Variants in TDRP observed in about 807,000 individuals in gnomAD.
TDRP encodes the protein testis development-related protein.
TDRP carries 12 observed loss-of-function variants against 10.5 expected under a neutral mutation model. The ratio of observed to expected loss-of-function variants is 1.15; its 90% CI spans 0.73 to 1.86. The LOEUF is 1.86. Among genes scored for constraint, TDRP ranks in the 40% most tolerant of loss-of-function variants. The pLI is 0.00. For missense variants in TDRP, 353 were observed against 229.2 expected (o/e 1.54, Z -3.49); for synonymous variants, 139 against 95.4 (o/e 1.46, Z -2.67).
intron 1 of TDRP, among the ~76,000 whole-genome samples, chr8:501,061 C>T (rs1310790686): frequency 1.1e-4 from 16 of 151,926 alleles, no homozygotes; most frequent in African/African-American, 9.7e-5. Flanking sequence ...AAAAATTAGC[C>T]GGGCGTGATG....
At chr8:543,198 G>A (rs574829193) in intron 1 of TDRP, among the ~76,000 whole-genome samples, 1 of 152,214 alleles carries the variant, frequency 6.6e-6, no homozygotes, top group Admixed American at 6.5e-5. Context: ...TGTAGTCCCA[G>A]CTACTACAGA....
At chr8:501,351 T>A (rs1017760183) in intron 1 of TDRP, among the ~76,000 whole-genome samples, 1 of 152,096 alleles carries the variant, frequency 6.6e-6, no homozygotes, top group African/African-American at 2.4e-5. Flanking sequence ...ATACTTCTTT[T>A]GTTTTGTCTT....
At chr8:532,359 G>T (rs775235382) in intron 1 of TDRP, among the ~76,000 whole-genome samples, 1 of 152,168 alleles carries the variant, frequency 6.6e-6, no homozygotes, top group Non-Finnish European at 1.5e-5. Flanking sequence ...GTCTCAGAAG[G>T]GCACATATTA....
intron 1 of TDRP, among the ~76,000 whole-genome samples, chr8:508,723 A>G (rs1484739264): frequency 1.3e-5 from 2 of 152,072 alleles, no homozygotes; most frequent in Non-Finnish European, 2.9e-5. Flanking sequence ...CCCAAATCTC[A>G]TTTTTTTCAC....
intron 2 of TDRP, among the ~76,000 whole-genome samples, chr8:493,513 TCAAA>T (rs1801039437): frequency 6.6e-6 from 1 of 152,250 alleles, no homozygotes; most frequent in Admixed American, 6.5e-5. Flanking sequence ...CCCACAGTCC[TCAAA>T]CAAAAGCCAA....
At position 536,953 on chromosome 8, in the gene TDRP, G is replaced by A. The variant is rs573152843; in HGVS notation, c.108+7697C>T. On this transcript the variant is annotated intron_variant, in intron 1 of 2. Coordinates refer to ENST00000324079, the MANE Select transcript of TDRP (RefSeq NM_001384899.1). ...TTCTGCTGACTGAGTATCTGACTCA[G>A]CTCATATGAGAGTCCAATGAGACTA... Among the ~76,000 whole-genome samples the A allele has an allele frequency of 2.6e-5, 4 of 152,258 alleles. No individual in the cohort carries two copies. In the South Asian group the frequency reaches 8.3e-4, roughly 32 times the overall value.
At chr8:521,253 A>C (rs1267959169) in intron 1 of TDRP, among the ~76,000 whole-genome samples, 66 of 146,012 alleles carry the variant, frequency 4.5e-4, no homozygotes, top group Middle Eastern at 3.4e-3. Context: ...ATCCAAAAAA[A>C]AAAAAAAAAA....
At chr8:510,072 G>A (rs550855472) in intron 1 of TDRP, among the ~76,000 whole-genome samples, 31 of 152,230 alleles carry the variant, frequency 2.0e-4, no homozygotes, top group Non-Finnish European at 3.2e-4. Context: ...CACTCCCCAG[G>A]GAATCAGGGT....
chr8:539,878 T>C (rs1316303750), intron 1 of TDRP, among the ~76,000 whole-genome samples: 1 of 152,214 alleles, frequency 6.6e-6, no homozygotes. Flanking sequence ...TCTCCCCATC[T>C]CCAAGCATGA....
chr8:544,238 G>A (rs543388073), intron 1 of TDRP, among the ~76,000 whole-genome samples: 3 of 152,208 alleles, frequency 2.0e-5, no homozygotes, highest in Non-Finnish European at 2.9e-5. Flanking sequence ...GCTCCACCCG[G>A]GACGCGAGCA....
chr8:530,329 A>T (rs561588939), intron 1 of TDRP, among the ~76,000 whole-genome samples: 1 of 152,148 alleles, frequency 6.6e-6, no homozygotes, highest in Non-Finnish European at 1.5e-5. Context: ...TTTGTCAGAT[A>T]ATTCATTTAT....
rs1563136133 is a variant in TDRP, at chr8:544,712, C to CG, written c.45dup (p.Glu16ArgfsTer38). The stretch of plus-strand genomic sequence containing the variant: ...CCCCCACGCAGGCCGTCCTCCTCCT[C>CG]GGGGGGCTCGTCCAGCAGCACTCGG... On this transcript the variant is annotated frameshift_variant, in exon 1 of 3. Coordinates refer to ENST00000324079, the MANE Select transcript of TDRP (RefSeq NM_001384899.1). LOFTEE classifies it high-confidence loss of function. The CG allele has an allele frequency of 6.4e-6, 8 of 1,245,344 alleles. No homozygotes were observed. The highest frequency in any genetic ancestry group is 3.7e-5 in the South Asian group (1 of 26,820). The allele number at this position is 1,245,344 out of a possible 1,614,324, so 77.1% of individuals were successfully genotyped here. A position where few individuals can be genotyped will look rare whatever the true frequency, so the allele number is the denominator to read the frequency against.
At chr8:513,277 A>G (rs1408454007) in intron 1 of TDRP, among the ~76,000 whole-genome samples, 1 of 152,124 alleles carries the variant, frequency 6.6e-6, no homozygotes, top group Admixed American at 6.5e-5. Context: ...ATGCCACCAA[A>G]CTGAATCCAA....
At chr8:540,420 T>C (rs1280818099) in intron 1 of TDRP, among the ~76,000 whole-genome samples, 1 of 152,248 alleles carries the variant, frequency 6.6e-6, no homozygotes, top group Non-Finnish European at 1.5e-5. Flanking sequence ...AAATGTTTCA[T>C]GGACAGATAT....
chr8:522,432 T>C lies in TDRP; in HGVS notation c.108+22218A>G, dbSNP rs558304855. Among the ~76,000 whole-genome samples, 23 of 152,252 alleles carry C rather than the reference T, an allele frequency of 1.5e-4. 1 individual carries two copies. In the South Asian group the frequency reaches 4.8e-3, roughly 32 times the overall value. ...CTCTCTGTGGCTAGTGAGACTCATCTCTCCCTTTGCCATGCATTGTGAAGA... is the reference window on the plus strand; with the variant it reads ...CTCTCTGTGGCTAGTGAGACTCATCCCTCCCTTTGCCATGCATTGTGAAGA... On this transcript the variant is annotated intron_variant, in intron 1 of 2. Coordinates refer to ENST00000324079, the MANE Select transcript of TDRP (RefSeq NM_001384899.1).
chr8:532,238 T>C (rs115329660), intron 1 of TDRP, among the ~76,000 whole-genome samples: 1 of 152,190 alleles, frequency 6.6e-6, no homozygotes, highest in African/African-American at 2.4e-5. Flanking sequence ...TGCTCACATG[T>C]GGTGGCCAGC....
intron 1 of TDRP, among the ~76,000 whole-genome samples, chr8:498,408 G>A (rs139901426): frequency 2.2e-4 from 33 of 152,290 alleles, no homozygotes; most frequent in Middle Eastern, 3.4e-3. Flanking sequence ...CTGGGTTTCA[G>A]ACTGTAGCCC....
chr8:493,540 A>T (rs556492006), intron 2 of TDRP, among the ~76,000 whole-genome samples: 18 of 152,376 alleles, frequency 1.2e-4, no homozygotes, highest in African/African-American at 2.9e-4. Flanking sequence ...CTGTACTTGT[A>T]GACTCACCAG....
chr8:512,208 G>C (rs182884023), intron 1 of TDRP, among the ~76,000 whole-genome samples: 8 of 151,930 alleles, frequency 5.3e-5, no homozygotes, highest in South Asian at 2.1e-4. Context: ...GGTGGATCAC[G>C]AGGTGGAGAC....
Sources: allele counts gnomAD v4.1 joint callset (sites outside exome capture counted in the v4.1 genomes callset), GRCh38; gene constraint gnomAD v4.1.1; transcripts MANE v1.5; gene names NCBI Gene and HGNC (gene_info 2026-07-23, HGNC 2026-07-21).